The following COL26A1 variants were observed in gnomAD, a reference collection of about 807,000 sequenced individuals.
COL26A1 encodes collagen type XXVI alpha 1 chain.
In COL26A1, 41 loss-of-function variants were observed where a neutral mutation model predicts 59.3. That is an observed-to-expected ratio of 0.69 (90% CI 0.54 to 0.90). COL26A1 has a LOEUF of 0.90. Ranked by LOEUF, COL26A1 falls within the 40% of genes least tolerant of loss-of-function variation. The probability of loss-of-function intolerance (pLI) is 0.00; values close to 1 mark genes in which losing one functional copy is unlikely to be tolerated. For synonymous variants in COL26A1, 266 were observed against 256.0 expected (o/e 1.04, Z -0.37); for missense variants, 612 against 602.3 (o/e 1.02, Z -0.17).
At chr7:101,387,397 T>C (rs1014637779) in intron 1 of COL26A1, among the ~76,000 whole-genome samples, 3 of 151,736 alleles carry the variant, frequency 2.0e-5, no homozygotes, top group African/African-American at 4.8e-5. Flanking sequence ...GTTTATTTTT[T>C]CCCCCTTGAT....
intron 5 of COL26A1, among the ~76,000 whole-genome samples, chr7:101,542,916 G>C (rs1192418458): frequency 6.6e-6 from 1 of 152,208 alleles, no homozygotes; most frequent in East Asian, 1.9e-4. Context: ...TCCCACCGGG[G>C]ACCCAGGCCC....
At chr7:101,413,210 C>T (rs779019377) in intron 1 of COL26A1, among the ~76,000 whole-genome samples, 9 of 152,022 alleles carry the variant, frequency 5.9e-5, no homozygotes, top group East Asian at 1.9e-4. Flanking sequence ...TGAAGTGGGC[C>T]GCCTCTTGCA....
intron 1 of COL26A1, among the ~76,000 whole-genome samples, chr7:101,405,374 C>T (rs1324049226): frequency 6.6e-6 from 1 of 151,800 alleles, no homozygotes; most frequent in Non-Finnish European, 1.5e-5. Context: ...CACTGTATCA[C>T]CCAGGCCAGA....
intron 3 of COL26A1, among the ~76,000 whole-genome samples, chr7:101,489,876 T>TG (rs1794411149): frequency 1.3e-5 from 1 of 75,828 alleles, no homozygotes; most frequent in African/African-American, 5.4e-5. Flanking sequence ...CTTTCTTTCT[T>TG]TCTTTCTTTC....
intron 3 of COL26A1, among the ~76,000 whole-genome samples, chr7:101,525,916 C>G (rs974735051): frequency 1.3e-5 from 2 of 152,216 alleles, no homozygotes; most frequent in Non-Finnish European, 1.5e-5. Flanking sequence ...TGGCTCACCT[C>G]TCAATGGGAT....
At chr7:101,422,372 GAAAAA>G (rs3072484) in intron 2 of COL26A1, among the ~76,000 whole-genome samples, 40 of 72,988 alleles carry the variant, frequency 5.5e-4, no homozygotes, top group East Asian at 1.4e-3. Flanking sequence ...GGTCCAAAAT[GAAAAA>G]AAAAAAAAAA....
At chr7:101,362,404 G>T (rs1195855098), upstream of COL26A1, among the ~76,000 whole-genome samples, 1 of 152,162 alleles carries the variant, frequency 6.6e-6, no homozygotes, top group Admixed American at 6.5e-5. Flanking sequence ...GGTTAAAGGG[G>T]AAGGAGGAGA....
intron 3 of COL26A1, among the ~76,000 whole-genome samples, chr7:101,517,469 T>G (rs1204800233): frequency 6.6e-6 from 1 of 152,122 alleles, no homozygotes; most frequent in Admixed American, 6.6e-5. Context: ...CCTTCCGCCA[T>G]GATTGTGAGA....
chr7:101,489,699 G>GTTTTTCTTTCTTTT (rs1554421185), intron 3 of COL26A1, among the ~76,000 whole-genome samples: 3 of 49,132 alleles, frequency 6.1e-5, no homozygotes, highest in Non-Finnish European at 1.1e-4. Flanking sequence ...CTTTCTTTCT[G>GTTTTTCTTTCTTTT]TCTTTCTTTC....
At chr7:101,525,135 A>G (rs1272767136) in intron 3 of COL26A1, among the ~76,000 whole-genome samples, 4 of 143,320 alleles carry the variant, frequency 2.8e-5, no homozygotes, top group African/African-American at 2.6e-5. Context: ...GAGTGCTGAG[A>G]TAGTTCCCAC....
chr7:101,463,891 T>C (rs187100078), intron 3 of COL26A1, among the ~76,000 whole-genome samples: 40,693 of 126,570 alleles, frequency 0.32, 7,318 homozygotes, highest in Middle Eastern at 0.41. Flanking sequence ...CTTTCTTTCT[T>C]TCTTTCTTTC....
intron 2 of COL26A1, among the ~76,000 whole-genome samples, chr7:101,425,452 A>G (rs941376443): frequency 6.6e-6 from 1 of 152,078 alleles, no homozygotes; most frequent in Non-Finnish European, 1.5e-5. Flanking sequence ...GCATTACTGA[A>G]TTGAGGTTAG....
At chr7:101,395,477 G>A (rs917318167) in intron 1 of COL26A1, among the ~76,000 whole-genome samples, 7 of 152,176 alleles carry the variant, frequency 4.6e-5, no homozygotes, top group South Asian at 2.1e-4. Context: ...CAGGCCCTCC[G>A]CCCTGGTAGC....
At chr7:101,505,582 C>T (rs770337542) in intron 3 of COL26A1, among the ~76,000 whole-genome samples, 3 of 152,106 alleles carry the variant, frequency 2.0e-5, no homozygotes, top group African/African-American at 4.8e-5. Context: ...ACTGGTAGTC[C>T]GATGTTCGAG....
intron 3 of COL26A1, among the ~76,000 whole-genome samples, chr7:101,531,892 G>A (rs570413336): frequency 2.6e-5 from 4 of 152,062 alleles, no homozygotes; most frequent in African/African-American, 7.2e-5. Context: ...TGGACTGTGC[G>A]TGTGGGCTGC....
At chr7:101,497,503 C>G (rs1321146605) in intron 3 of COL26A1, among the ~76,000 whole-genome samples, 2 of 151,664 alleles carry the variant, frequency 1.3e-5, no homozygotes, top group African/African-American at 2.4e-5. Context: ...AGCAAAATCC[C>G]GTCTCTACAA....
At chr7:101,465,023 A>ATTCT (rs1436768812) in intron 3 of COL26A1, among the ~76,000 whole-genome samples, 1 of 145,082 alleles carries the variant, frequency 6.9e-6, no homozygotes. Flanking sequence ...TAAGCTTCTA[A>ATTCT]TTCTTTCTTT....
At chr7:101,518,484 C>A (rs943128118) in intron 3 of COL26A1, among the ~76,000 whole-genome samples, 2 of 152,200 alleles carry the variant, frequency 1.3e-5, no homozygotes, top group African/African-American at 4.8e-5. Flanking sequence ...GCGCCAACTC[C>A]CCGTGTCCAA....
chr7:101,377,289 T>A (rs1164156931), intron 1 of COL26A1, among the ~76,000 whole-genome samples: 1 of 150,028 alleles, frequency 6.7e-6, no homozygotes, highest in Non-Finnish European at 1.5e-5. Context: ...ATTACAGGCA[T>A]GAGTCACTGT....
Sources: gnomAD v4.1 joint callset for allele counts (sites outside exome capture counted in the v4.1 genomes callset) on GRCh38, gnomAD v4.1.1 for gene constraint, MANE v1.5 for transcripts, NCBI Gene and HGNC (gene_info 2026-07-23, HGNC 2026-07-21) for gene names.